Variants in SNX19 observed in about 807,000 individuals in gnomAD.
SNX19 encodes sorting nexin-19.
In SNX19, 60 loss-of-function variants were observed where a neutral mutation model predicts 85.2. The ratio of observed to expected loss-of-function variants is 0.70; its 90% CI spans 0.57 to 0.87. The LOEUF (loss-of-function observed/expected upper bound fraction) is 0.87, where lower values mean the gene tolerates loss of function less well. SNX19 is among the 40% of genes least tolerant of loss of function. The pLI is 0.00. For missense variants in SNX19, 1,201 were observed against 1,217.8 expected (o/e 0.99, Z 0.21); for synonymous variants, 520 against 470.0 (o/e 1.11, Z -1.38).
intron 8 of SNX19, among the ~76,000 whole-genome samples, chr11:130,899,702 G>A (rs1045977615): frequency 1.3e-5 from 2 of 152,180 alleles, no homozygotes; most frequent in Admixed American, 1.3e-4. Flanking sequence ...AACTGAACAT[G>A]TATAAAACAT....
At chr11:130,891,420 T>G (rs1174485051) in intron 8 of SNX19, among the ~76,000 whole-genome samples, 1 of 152,142 alleles carries the variant, frequency 6.6e-6, no homozygotes, top group Non-Finnish European at 1.5e-5. Flanking sequence ...GCTCCTTATC[T>G]CACACTATAA....
chr11:130,884,366 G>A (rs1943898713), intron 8 of SNX19, among the ~76,000 whole-genome samples: 1 of 152,162 alleles, frequency 6.6e-6, no homozygotes, highest in Non-Finnish European at 1.5e-5. Flanking sequence ...TATCATAGGA[G>A]TGGGAAGGTT....
intron 6 of SNX19, 127 bp downstream of exon 6, chr11:130,906,498 G>T: frequency 2.8e-6 from 2 of 725,938 alleles, no homozygotes; most frequent in Non-Finnish European, 4.7e-6. Context: ...AAAAGCTGGA[G>T]ATCCAAACGT....
chr11:130,901,029 T>C (rs1945225399), intron 8 of SNX19, among the ~76,000 whole-genome samples: 1 of 152,220 alleles, frequency 6.6e-6, no homozygotes. Context: ...AAAGAACTAA[T>C]AGTCTACACA....
chr11:130,892,433 TA>T (rs1287096212), intron 8 of SNX19, among the ~76,000 whole-genome samples: 1 of 151,980 alleles, frequency 6.6e-6, no homozygotes, highest in African/African-American at 2.4e-5. Flanking sequence ...ATAAGAAAAA[TA>T]AAAAGTATTT....
intron 8 of SNX19, among the ~76,000 whole-genome samples, chr11:130,885,034 C>G (rs1943959866): frequency 6.6e-6 from 1 of 152,116 alleles, no homozygotes; most frequent in South Asian, 2.1e-4. Context: ...TATTCCAGGT[C>G]TGATATTTGA....
chr11:130,916,140 CAG>C lies in SNX19; in HGVS notation c.-203_-202del. On this transcript the variant is annotated 5_prime_UTR_variant, in exon 1 of 11. Transcript: ENST00000265909. ...CGCGTCTCCCCATGGCTACCACTAACAGAGCCCTCCAACTCGCCCCTTCCAGC... is the reference window on the plus strand; with the variant it reads ...CGCGTCTCCCCATGGCTACCACTAACAGCCCTCCAACTCGCCCCTTCCAGC... 1.7e-6 allele frequency: 1 copy of C among 590,428 alleles called. No homozygotes were observed. The highest frequency in any genetic ancestry group is 3.0e-6 in the Non-Finnish European group (1 of 332,808). 36.6% of individuals were successfully genotyped at this position (590,428 alleles called of 1,614,324 possible). A position where few individuals can be genotyped will look rare whatever the true frequency, so the allele number is the denominator to read the frequency against.
At chr11:130,909,476 G>A (rs1377504173) in intron 4 of SNX19, among the ~76,000 whole-genome samples, 2 of 152,182 alleles carry the variant, frequency 1.3e-5, no homozygotes. Context: ...GGTAATCACT[G>A]CTTACAAGCT....
In SNX19 at chr11:130,914,351, A is replaced by G. The variant is rs755651248; in HGVS notation, c.1589T>C (p.Ile530Thr). 3.1e-6 allele frequency: 5 copies of G among 1,613,552 alleles called. No individual in the cohort carries two copies. Among genetic ancestry groups the G allele is most frequent in the Non-Finnish European group, 4.2e-6 (5 of 1,179,778 alleles). ...GGTGCCAGTGATACGAAGGTTCTGG[A>G]TGATAACTGGACCATCGGGACTGCT... The part of the protein sequence containing the change: ...PLSSPDGPVI[I>T]QNLRITGTIT... The change falls in exon 1 of 11, where the codon ATC becomes ACC. Residue 530 changes from isoleucine to threonine, a missense_variant. Around this residue, in one of 3 missense-constraint regions of SNX19, gnomAD observed 791 missense variants for 750.9 expected, o/e 1.05. Coordinates refer to ENST00000265909, the MANE Select transcript of SNX19 (RefSeq NM_014758.3).
chr11:130,906,486 A>G, intron 6 of SNX19, 139 bp downstream of exon 6: 4 of 695,752 alleles, frequency 5.7e-6, no homozygotes, highest in Non-Finnish European at 9.8e-6. Context: ...TACTTTTAGC[A>G]TAAAAGCTGG....
Position 130,911,649 on chromosome 11 carries a change from T to C in SNX19, c.1797A>G (p.Leu599=). 6.2e-7 allele frequency: 1 copy of C among 1,614,154 alleles called. No individual in the cohort carries two copies. Residue 599 remains leucine (L), a synonymous_variant, in exon 2 of 11, where the codon CTA becomes CTG. Transcript: ENST00000265909. ...ACTCCTGACTTTTGATGAACTTTCG[T>C]AGATCTGGTTTCTCCTCCAGACGGG... is the stretch of plus-strand genomic sequence containing the variant. ...LQTRLEEKPD[L]RKFIKNVKGP... is the part of the protein sequence containing the mutation.
rs75499554 is a variant in SNX19, at chr11:130,910,517, G to A, written c.1814-147C>T. 1.6e-3 allele frequency: 1,038 copies of A among 632,268 alleles called. 14 individuals carry two copies. The African/African-American group carries it at 0.017, about 10-fold the overall frequency. The allele number at this position is 632,268 out of a possible 1,614,324, so 39.2% of individuals were successfully genotyped here. On this transcript the variant is annotated intron_variant, in intron 2 of 10. Coordinates refer to ENST00000265909, the MANE Select transcript of SNX19 (RefSeq NM_014758.3). Reference sequence around the variant, plus strand: ...TTTCAGGACTTCCAAATATACATACGATCCATATGATCCATATAACACTAA... The same window carrying A: ...TTTCAGGACTTCCAAATATACATACAATCCATATGATCCATATAACACTAA...
rs201107139 is a variant in SNX19 at position 130,882,549 on chromosome 11, C to CA, written c.2574-1744dup. Reference sequence around the variant, plus strand: ...AAGAATGGCAGCCATCGATGGAGATCAAGAGTGGCACAAAGCTGTTCTTGT... The same window carrying CA: ...AAGAATGGCAGCCATCGATGGAGATCAAAGAGTGGCACAAAGCTGTTCTTGT... On this transcript the variant is annotated intron_variant, in intron 8 of 10. Coordinates refer to ENST00000265909, the MANE Select transcript of SNX19 (RefSeq NM_014758.3). Among the ~76,000 whole-genome samples the CA allele has an allele frequency of 3.4e-3, 517 of 152,322 alleles. 5 individuals are homozygous for CA. The highest frequency in any genetic ancestry group is 0.012 in the African/African-American group (484 of 41,574).
chr11:130,909,406 C>T (rs1459694589), intron 4 of SNX19, among the ~76,000 whole-genome samples: 1 of 152,226 alleles, frequency 6.6e-6, no homozygotes, highest in East Asian at 1.9e-4. Context: ...CTATAAAACA[C>T]ACATCACTTT....
rs999116142 is a variant in SNX19 at position 130,872,907 on chromosome 11, G to A, written c.*5515C>T. ...GCAAAGTTAGATTGGACAAACAGCC[G>A]GTGTGGAGGGGGCTGTGGGAGGTAC... On this transcript the variant is annotated 3_prime_UTR_variant, in exon 11 of 11. Coordinates refer to ENST00000265909, the MANE Select transcript of SNX19 (RefSeq NM_014758.3). 2.0e-5 allele frequency among the ~76,000 whole-genome samples: 3 copies of A among 152,152 alleles called. No homozygotes were observed. The highest frequency in any genetic ancestry group is 1.9e-4 in the East Asian group (1 of 5,198).
chr11:130,895,939 T>A (rs1944848839), intron 8 of SNX19, among the ~76,000 whole-genome samples: 1 of 152,222 alleles, frequency 6.6e-6, no homozygotes, highest in African/African-American at 2.4e-5. Context: ...TGGCCCAGTC[T>A]ATAGAAGTCA....
rs930782476 is a variant in SNX19, at chr11:130,894,919, C to T, written c.2573+8336G>A. 22 of 985,332 alleles carry T rather than the reference C, an allele frequency of 2.2e-5. No homozygotes were observed. The African/African-American group carries it at 3.7e-4, about 16-fold the overall frequency. 61.0% of individuals were successfully genotyped at this position (985,332 alleles called of 1,614,324 possible). A position where few individuals can be genotyped will look rare whatever the true frequency, so the allele number is the denominator to read the frequency against. The stretch of plus-strand genomic sequence containing the variant: ...TCTTATCCCCCCAAAGAACTTCATG[C>T]ACTAGGCTATGATTTCTATTTCGAC... On this transcript the variant is annotated intron_variant, in intron 8 of 10. Coordinates refer to ENST00000265909, the MANE Select transcript of SNX19 (RefSeq NM_014758.3).
rs370917661 is a variant in SNX19, at chr11:130,872,310, C to T, written c.*6112G>A. On this transcript the variant is annotated 3_prime_UTR_variant, in exon 11 of 11. Transcript: ENST00000265909. ...TCTGAAAATAGCATAGTGTGTCTGC[C>T]AAGGTCTGCGGGTGCCCAAATTTCC... is the stretch of plus-strand genomic sequence containing the variant. 6.6e-6 allele frequency among the ~76,000 whole-genome samples: 1 copy of T among 152,252 alleles called. No individual in the cohort carries two copies. Among genetic ancestry groups the T allele is most frequent in the East Asian group, 1.9e-4 (1 of 5,160 alleles).
At chr11:130,891,569 T>G (rs148717827) in intron 8 of SNX19, among the ~76,000 whole-genome samples, 17 of 152,278 alleles carry the variant, frequency 1.1e-4, no homozygotes, top group African/African-American at 4.1e-4. Context: ...CACTTGTATT[T>G]TGGGAAGTGC....
Sources: gnomAD v4.1 joint callset for allele counts (sites outside exome capture counted in the v4.1 genomes callset) on GRCh38, gnomAD v4.1.1 for gene constraint, gnomAD v4.1.1 regional missense constraint, MANE v1.5 for transcripts, NCBI Gene and HGNC (gene_info 2026-07-23, HGNC 2026-07-21) for gene names.